The following DHRSX variants were observed in gnomAD, a reference collection of about 807,000 sequenced individuals.
DHRSX encodes the protein dehydrogenase/reductase X-linked, also known as polyprenol dehydrogenase.
A neutral mutation model predicts 34.0 loss-of-function variants in DHRSX; 31 were observed. That is an observed-to-expected ratio of 0.91 (90% CI 0.69 to 1.23). The LOEUF is 1.23. Ranked by LOEUF, DHRSX falls within the 50% of genes most tolerant of loss-of-function variation. The pLI is 0.00. For missense variants in DHRSX, 414 were observed against 428.1 expected (o/e 0.97, Z 0.29); for synonymous variants, 201 against 183.8 (o/e 1.09, Z -0.76).
chrX:2,421,337 G>A (rs1306600741), intron 2 of DHRSX, among the ~76,000 whole-genome samples: 5 of 152,150 alleles, frequency 3.3e-5, no homozygotes, highest in Admixed American at 6.5e-5. Context: ...CTGAGATCAC[G>A]CCATTGCACT....
At chrX:2,373,083 G>C (rs1483330539) in intron 3 of DHRSX, among the ~76,000 whole-genome samples, 1 of 152,214 alleles carries the variant, frequency 6.6e-6, no homozygotes, top group African/African-American at 2.4e-5. Flanking sequence ...CACGACGGAA[G>C]ACGAAAACCA....
At chrX:2,266,239 T>C (rs1263805933) in intron 5 of DHRSX, among the ~76,000 whole-genome samples, 70 of 96,134 alleles carry the variant, frequency 7.3e-4, no homozygotes, top group Middle Eastern at 9.3e-3. Context: ...AGCACCGGTG[T>C]CCAGCAGACG....
intron 1 of DHRSX, among the ~76,000 whole-genome samples, chrX:2,478,007 T>C (rs2044707357): frequency 6.6e-6 from 1 of 152,234 alleles, no homozygotes; most frequent in South Asian, 2.1e-4. Flanking sequence ...TAGAAGTCTC[T>C]GATAGGATGG....
chrX:2,262,861 G>A (rs1013091427), intron 5 of DHRSX, among the ~76,000 whole-genome samples: 1 of 152,212 alleles, frequency 6.6e-6, no homozygotes, highest in African/African-American at 2.4e-5. Flanking sequence ...ACAGACACAG[G>A]AGCTCAATTC....
At chrX:2,229,653 ATGTC>A (rs1335104734) in intron 6 of DHRSX, among the ~76,000 whole-genome samples, 2 of 151,378 alleles carry the variant, frequency 1.3e-5, no homozygotes, top group African/African-American at 2.5e-5. Context: ...TTGTATGTGC[ATGTC>A]TGTATGTATA....
chrX:2,440,674 G>A (rs1240479410), intron 1 of DHRSX, among the ~76,000 whole-genome samples: 1 of 151,764 alleles, frequency 6.6e-6, no homozygotes, highest in Admixed American at 6.6e-5. Flanking sequence ...GTTTTGGACC[G>A]TTGGACCTAC....
At chrX:2,456,246 A>C (rs1470605294) in intron 1 of DHRSX, among the ~76,000 whole-genome samples, 1 of 152,162 alleles carries the variant, frequency 6.6e-6, no homozygotes, top group Non-Finnish European at 1.5e-5. Context: ...AGTCGACACC[A>C]CATGGAAGAT....
intron 6 of DHRSX, among the ~76,000 whole-genome samples, chrX:2,225,163 C>T (rs1421122329): frequency 7.9e-6 from 1 of 126,084 alleles, no homozygotes; most frequent in Non-Finnish European, 1.6e-5. Context: ...CATTCACATG[C>T]ACTCACACAC....
intron 3 of DHRSX, among the ~76,000 whole-genome samples, chrX:2,326,498 G>A (rs1349104983): frequency 1.3e-5 from 2 of 152,172 alleles, no homozygotes; most frequent in African/African-American, 4.8e-5. Context: ...ACTCCAGCCT[G>A]AGTGACAGAG....
At chrX:2,372,648 G>T (rs1172220407) in intron 3 of DHRSX, among the ~76,000 whole-genome samples, 7 of 146,982 alleles carry the variant, frequency 4.8e-5, no homozygotes, top group Non-Finnish European at 1.0e-4. Context: ...TCCTCTTGTT[G>T]CCCAGGCTGG....
In DHRSX at chrX:2,425,347, G is replaced by T. The variant is rs201737804; in HGVS notation, c.110-43C>A. 64 of 1,523,922 alleles carry T rather than the reference G, an allele frequency of 4.2e-5. No individual in the cohort carries two copies. The Admixed American group carries it at 4.4e-4, about 10-fold the overall frequency. 94.4% of individuals were successfully genotyped at this position (1,523,922 alleles called of 1,614,324 possible). ...AAAATCATCAAACTAAGATTTGAAA[G>T]CAGAGCACATATTTGTAAGAATTAA... On this transcript the variant is annotated intron_variant, in intron 1 of 6. Transcript: ENST00000334651.
intron 3 of DHRSX, among the ~76,000 whole-genome samples, chrX:2,303,858 T>G (rs2042050927): frequency 7.5e-6 from 1 of 132,708 alleles, no homozygotes; most frequent in South Asian, 2.6e-4. Context: ...GATGGGTGGA[T>G]GGGTGGATGG....
At chrX:2,354,651 G>A (rs1045100010) in intron 3 of DHRSX, among the ~76,000 whole-genome samples, 1 of 152,080 alleles carries the variant, frequency 6.6e-6, no homozygotes, top group Non-Finnish European at 1.5e-5. Context: ...TAGTAGAGAT[G>A]GGGTTTCCCC....
chrX:2,304,851 C>G, intron 3 of DHRSX, among the ~76,000 whole-genome samples: 1 of 152,088 alleles, frequency 6.6e-6, no homozygotes, highest in South Asian at 2.1e-4. Context: ...AATCCCATTA[C>G]TAGGTATATA....
chrX:2,444,570 C>A (rs2044103759), intron 1 of DHRSX, among the ~76,000 whole-genome samples: 1 of 152,168 alleles, frequency 6.6e-6, no homozygotes. Context: ...GTGCCCCATG[C>A]CTGTAATCCC....
intron 1 of DHRSX, among the ~76,000 whole-genome samples, chrX:2,461,434 C>A (rs780142837): frequency 5.9e-5 from 9 of 152,370 alleles, no homozygotes; most frequent in African/African-American, 2.2e-4. Flanking sequence ...TTCTTTCATG[C>A]AAGCCCTCTA....
chrX:2,272,553 A>G (rs1028118291), intron 4 of DHRSX, among the ~76,000 whole-genome samples: 11 of 152,170 alleles, frequency 7.2e-5, no homozygotes, highest in African/African-American at 2.4e-4. Flanking sequence ...AGTTGGGTCA[A>G]TAAGGTCACG....
chrX:2,349,732 C>G (rs896494296), intron 3 of DHRSX, among the ~76,000 whole-genome samples: 1 of 151,668 alleles, frequency 6.6e-6, no homozygotes, highest in African/African-American at 2.4e-5. Flanking sequence ...CAATGGGATA[C>G]TTTACAGCCT....
rs187625096 is a variant in DHRSX at position 2,373,081 on chromosome X, A to C, written c.286+35664T>G. On this transcript the variant is annotated intron_variant, in intron 3 of 6. Coordinates refer to ENST00000334651, the MANE Select transcript of DHRSX (RefSeq NM_145177.3). Reference sequence around the variant, plus strand: ...TGGGGAGGCCTCACAATCACGACGGAAGACGAAAACCATATCTTCCACGGC... The same window carrying C: ...TGGGGAGGCCTCACAATCACGACGGCAGACGAAAACCATATCTTCCACGGC... 4.7e-4 allele frequency among the ~76,000 whole-genome samples: 72 copies of C among 152,320 alleles called. 5 individuals are homozygous for C. The highest frequency in any genetic ancestry group is 3.5e-3 in the East Asian group (18 of 5,184).
Sources: allele counts gnomAD v4.1 joint callset (sites outside exome capture counted in the v4.1 genomes callset), GRCh38; gene constraint gnomAD v4.1.1; transcripts MANE v1.5; gene names NCBI Gene and HGNC (gene_info 2026-07-23, HGNC 2026-07-21).